The following MSH4 variants were observed in gnomAD, a reference collection of about 807,000 sequenced individuals.
MSH4 encodes the protein mutS protein homolog 4.
Under a neutral mutation model 113.7 loss-of-function variants are expected in MSH4, and 106 were observed. The ratio of observed to expected loss-of-function variants is 0.93; its 90% CI spans 0.80 to 1.10. The LOEUF (loss-of-function observed/expected upper bound fraction) is 1.10, where lower values mean the gene tolerates loss of function less well. Ranked by LOEUF, MSH4 falls within the 50% of genes least tolerant of loss-of-function variation. The probability of loss-of-function intolerance (pLI) is 0.00; values close to 1 mark genes in which losing one functional copy is unlikely to be tolerated. For missense variants in MSH4, 1,061 were observed against 1,093.7 expected, an observed-to-expected ratio of 0.97 and a Z score of 0.42; for synonymous variants, 368 against 380.2, an observed-to-expected ratio of 0.97 and a Z score of 0.37.
chr1:75,875,895 T>C (rs1217979642), intron 9 of MSH4, among the ~76,000 whole-genome samples: 1 of 152,148 alleles, frequency 6.6e-6, no homozygotes, highest in Non-Finnish European at 1.5e-5. Context: ...ATGATAGTGA[T>C]GCCAAACAAT....
chr1:75,909,468 G>T (rs1367513010), intron 19 of MSH4, among the ~76,000 whole-genome samples: 1 of 123,402 alleles, frequency 8.1e-6, no homozygotes, highest in Non-Finnish European at 1.7e-5. Context: ...ATCCAGAATT[G>T]TATTTTTTTT....
At position 75,815,069 on chromosome 1, in the gene MSH4, G is replaced by A; in HGVS notation, c.748G>A (p.Gly250Arg). 1 of 1,606,720 alleles carries A rather than the reference G, an allele frequency of 6.2e-7. No homozygotes were observed. The highest frequency in any genetic ancestry group is 8.5e-7 in the Non-Finnish European group (1 of 1,176,038). The part of the protein sequence containing the change: ...IQRKYFNETK[G>R]LEYIEQLCIA... ...AAGGAAATACTTCAATGAAACAAAA[G>A]GATTAGAGTACATTGAACAGTTATG... The change falls in exon 5 of 20, where the codon GGA becomes AGA. Residue 250 changes from glycine to arginine, a missense_variant. Transcript: ENST00000263187.
chr1:75,894,137 C>A lies in MSH4; in HGVS notation c.2355+3313C>A, dbSNP rs1415014945. On this transcript the variant is annotated intron_variant, in intron 17 of 19. Transcript: ENST00000263187. ...ACTCTTCTATATAGGACAGACATTACGGCCCACCATAAGGCCTTTACTGCA... is the reference window on the plus strand; with the variant it reads ...ACTCTTCTATATAGGACAGACATTAAGGCCCACCATAAGGCCTTTACTGCA... 3.3e-5 allele frequency among the ~76,000 whole-genome samples: 5 copies of A among 152,216 alleles called. No homozygotes were observed. In the East Asian group the frequency reaches 7.7e-4, roughly 24 times the overall value.
Position 75,912,708 on chromosome 1 carries a change from A to C in MSH4, c.2632A>C (p.Ser878Arg). Residue 878 changes from serine (S) to arginine (R), a missense_variant, in exon 20 of 20, where the codon AGT becomes CGT. By Grantham distance (110) the Ser-to-Arg change is moderately radical. Transcript: ENST00000263187. ...TTTTCAATGACAGCAAAACCAAAGG[A>C]GTACCCCTGAGATGGAAAGACAGAG... is the stretch of plus-strand genomic sequence containing the variant. ...ITRQILQNQR[S>R]TPEMERQRAV... is the part of the protein sequence containing the mutation. The C allele has an allele frequency of 6.6e-7, 1 of 1,526,152 alleles. No homozygotes were observed. Among genetic ancestry groups the C allele is most frequent in the African/African-American group, 1.4e-5 (1 of 69,698 alleles). 94.5% of individuals were successfully genotyped at this position (1,526,152 alleles called of 1,614,324 possible).
At chr1:75,804,231 G>T (rs1650006016) in intron 2 of MSH4, among the ~76,000 whole-genome samples, 1 of 151,926 alleles carries the variant, frequency 6.6e-6, no homozygotes, top group South Asian at 2.1e-4. Context: ...CTAGTGAGTG[G>T]TTTTTTTATA....
chr1:75,902,051 T>G (rs140135554), intron 19 of MSH4, among the ~76,000 whole-genome samples: 1 of 152,200 alleles, frequency 6.6e-6, no homozygotes, highest in African/African-American at 2.4e-5. Flanking sequence ...TTATTTAACA[T>G]TTTTACCTAG....
At chr1:75,909,633 C>A (rs1350729486) in intron 19 of MSH4, among the ~76,000 whole-genome samples, 1 of 151,810 alleles carries the variant, frequency 6.6e-6, no homozygotes, top group Non-Finnish European at 1.5e-5. Flanking sequence ...AATGCTATCC[C>A]TCCCTTTGCC....
intron 7 of MSH4, among the ~76,000 whole-genome samples, chr1:75,826,474 G>A (rs2100525428): frequency 6.6e-6 from 1 of 152,192 alleles, no homozygotes; most frequent in Non-Finnish European, 1.5e-5. Context: ...GTTCTGCTCT[G>A]ATCTTAGTTA....
intron 4 of MSH4, among the ~76,000 whole-genome samples, chr1:75,811,686 G>A (rs563437996): frequency 6.6e-6 from 1 of 152,192 alleles, no homozygotes; most frequent in Non-Finnish European, 1.5e-5. Flanking sequence ...GGGGGCTGTG[G>A]CTCCAAACCA....
intron 7 of MSH4, among the ~76,000 whole-genome samples, chr1:75,831,009 G>A (rs1650675552): frequency 6.6e-6 from 1 of 152,154 alleles, no homozygotes; most frequent in Non-Finnish European, 1.5e-5. Flanking sequence ...TGGATAAAGA[G>A]TCAAGACCCA....
At chr1:75,894,473 C>T (rs1003147070) in intron 17 of MSH4, among the ~76,000 whole-genome samples, 6 of 152,194 alleles carry the variant, frequency 3.9e-5, no homozygotes, top group African/African-American at 7.2e-5. Flanking sequence ...CCCAGTCTGT[C>T]GGCAGCAGAG....
At position 75,897,982 on chromosome 1, in the gene MSH4, C is replaced by G; in HGVS notation, c.2431C>G (p.His811Asp). ...CCTGTATCCTAATGTAGAAAACATG[C>G]ATTTTGAAGTTCAACATGTAAAGAA... Reference protein sequence around the residue: ...DALYPNVENMHFEVQHVKNTS... With the variant: ...DALYPNVENMDFEVQHVKNTS... The change falls in exon 18 of 20, where the codon CAT becomes GAT. Residue 811 changes from histidine (H) to aspartate (D), a missense_variant. By Grantham distance (81) the His-to-Asp change is moderately conservative. Transcript: ENST00000263187. The G allele has an allele frequency of 6.2e-7, 1 of 1,606,674 alleles. No homozygotes were observed. Among genetic ancestry groups the G allele is most frequent in the Non-Finnish European group, 8.5e-7 (1 of 1,175,802 alleles).
At chr1:75,911,864 T>C (rs903104622) in intron 19 of MSH4, among the ~76,000 whole-genome samples, 1 of 152,078 alleles carries the variant, frequency 6.6e-6, no homozygotes, top group African/African-American at 2.4e-5. Context: ...AGGGATTATA[T>C]TTCAGGGAAA....
intron 19 of MSH4, among the ~76,000 whole-genome samples, chr1:75,900,950 C>T (rs1166588785): frequency 1.3e-5 from 2 of 152,088 alleles, no homozygotes; most frequent in Non-Finnish European, 2.9e-5. Flanking sequence ...ATATTCGAAA[C>T]AAGCTATTTT....
intron 9 of MSH4, among the ~76,000 whole-genome samples, chr1:75,875,569 G>A (rs753287156): frequency 7.2e-5 from 11 of 152,100 alleles, no homozygotes; most frequent in South Asian, 2.1e-4. Context: ...AAATGCCTCC[G>A]TATCCTTAGA....
chr1:75,872,592 C>T (rs944792474), intron 9 of MSH4, among the ~76,000 whole-genome samples: 96 of 152,002 alleles, frequency 6.3e-4, no homozygotes, highest in African/African-American at 2.2e-3. Flanking sequence ...AATAGAAAAA[C>T]ACTGCATAAC....
intron 7 of MSH4, among the ~76,000 whole-genome samples, chr1:75,831,172 A>G (rs1650680435): frequency 6.6e-6 from 1 of 152,190 alleles, no homozygotes; most frequent in Non-Finnish European, 1.5e-5. Flanking sequence ...TAAACCAACA[A>G]AGATCAAAAG....
chr1:75,878,238 G>A lies in MSH4; in HGVS notation c.1460G>A (p.Cys487Tyr). 6.2e-7 allele frequency: 1 copy of A among 1,610,474 alleles called. No individual in the cohort carries two copies. The highest frequency in any genetic ancestry group is 1.1e-5 in the South Asian group (1 of 89,910). Residue 487 changes from cysteine (C) to tyrosine (Y), a missense_variant, in exon 11 of 20, where the codon TGC becomes TAC. By Grantham distance (194) the Cys-to-Tyr change is radical. Coordinates refer to ENST00000263187, the MANE Select transcript of MSH4 (RefSeq NM_002440.4). ...TGCCTAAACATGAGGACTCAGAAGT[G>A]CTATGCAGTGAGGTCTAACATAAAT... ...KGCLNMRTQK[C>Y]YAVRSNINEF... is the part of the protein sequence containing the mutation.
At position 75,803,730 on chromosome 1, in the gene MSH4, G is replaced by T; in HGVS notation, c.245-1G>T. 6.4e-7 allele frequency: 1 copy of T among 1,550,740 alleles called. No homozygotes were observed. The highest frequency in any genetic ancestry group is 1.3e-5 in the South Asian group (1 of 79,354). ...ATTGACTGTTAATTTTTCAAATTTA[G>T]GTTCATACTTTGGAAACAAAAGAGC... On this transcript the variant is annotated splice_acceptor_variant, in intron 1 of 19. Coordinates refer to ENST00000263187, the MANE Select transcript of MSH4 (RefSeq NM_002440.4). LOFTEE classifies it high-confidence loss of function.
Sources: allele counts gnomAD v4.1 joint callset (sites outside exome capture counted in the v4.1 genomes callset), GRCh38; gene constraint gnomAD v4.1.1; transcripts MANE v1.5; gene names NCBI Gene and HGNC (gene_info 2026-07-23, HGNC 2026-07-21).